Variants in WWOX observed in about 807,000 individuals in gnomAD.
WWOX encodes WW domain-containing oxidoreductase.
Under a neutral mutation model 46.2 loss-of-function variants are expected in WWOX, and 69 were observed. The ratio of observed to expected loss-of-function variants is 1.49; its 90% CI spans 1.23 to 1.82. The LOEUF (loss-of-function observed/expected upper bound fraction) is 1.82. WWOX is among the 40% of genes most tolerant of loss of function. WWOX has a pLI of 0.00. For synonymous variants in WWOX, 359 were observed against 202.6 expected (o/e 1.77, Z -6.56); for missense variants, 919 against 542.6 (o/e 1.69, Z -6.89).
At chr16:78,210,346 CCTGCATCATGAGA>C (rs1482737374) in intron 5 of WWOX, among the ~76,000 whole-genome samples, 1 of 152,118 alleles carries the variant, frequency 6.6e-6, no homozygotes, top group East Asian at 1.9e-4. Flanking sequence ...TTTTTAATGC[CCTGCATCATGAGA>C]CTGTCAGTTT....
chr16:78,234,603 A>C lies in WWOX; in HGVS notation c.516+70314A>C, dbSNP rs116783926. On this transcript the variant is annotated intron_variant, in intron 5 of 8. Transcript: ENST00000566780. ...GAAAACTCCTAGACTTGAATAAGGT[A>C]TTTTTGAATTTGAAGAGCTAAGAAC... Among the ~76,000 whole-genome samples, 533 of 152,332 alleles carry C rather than the reference A, an allele frequency of 3.5e-3. 3 individuals are homozygous for C. The highest frequency in any genetic ancestry group is 0.012 in the African/African-American group (501 of 41,574).
At chr16:79,131,051 C>T (rs759762726) in intron 8 of WWOX, among the ~76,000 whole-genome samples, 2 of 152,194 alleles carry the variant, frequency 1.3e-5, no homozygotes, top group South Asian at 2.1e-4. Context: ...CAATGACCAG[C>T]AGGCTTCTCT....
intron 8 of WWOX, among the ~76,000 whole-genome samples, chr16:78,656,132 A>G (rs1355182910): frequency 2.0e-5 from 3 of 152,150 alleles, no homozygotes; most frequent in Admixed American, 6.5e-5. Flanking sequence ...TGTCAACATG[A>G]GGATGAAAGT....
intron 5 of WWOX, among the ~76,000 whole-genome samples, chr16:78,201,899 CTA>C (rs1298898927): frequency 2.0e-5 from 3 of 151,952 alleles, no homozygotes; most frequent in African/African-American, 7.3e-5. Context: ...CGGGATTTTG[CTA>C]TGTTGCCCAG....
intron 8 of WWOX, among the ~76,000 whole-genome samples, chr16:79,003,808 A>G (rs1028192106): frequency 1.3e-5 from 2 of 152,120 alleles, no homozygotes; most frequent in African/African-American, 4.8e-5. Context: ...TGTCACTTCC[A>G]CTGCATCTTT....
chr16:78,970,673 CATTT>C (rs1272296157), intron 8 of WWOX, among the ~76,000 whole-genome samples: 1 of 152,084 alleles, frequency 6.6e-6, no homozygotes, highest in African/African-American at 2.4e-5. Flanking sequence ...GCTGAGAATT[CATTT>C]GAGGCCATAA....
intron 8 of WWOX, among the ~76,000 whole-genome samples, chr16:78,834,328 G>C (rs1247124912): frequency 6.6e-6 from 1 of 152,140 alleles, no homozygotes; most frequent in African/African-American, 2.4e-5. Flanking sequence ...TAAATAAGGG[G>C]TTAATTTATA....
At chr16:78,731,279 T>C (rs1436165058) in intron 8 of WWOX, among the ~76,000 whole-genome samples, 1 of 152,140 alleles carries the variant, frequency 6.6e-6, no homozygotes, top group African/African-American at 2.4e-5. Context: ...GGTAAGAATT[T>C]AGAGCACAGA....
intron 5 of WWOX, among the ~76,000 whole-genome samples, chr16:78,309,242 T>C (rs2080189552): frequency 6.6e-6 from 1 of 152,214 alleles, no homozygotes; most frequent in African/African-American, 2.4e-5. Flanking sequence ...CGTGATCCGA[T>C]GGTTATAAAT....
At chr16:78,383,202 C>G (rs1420398675) in intron 5 of WWOX, among the ~76,000 whole-genome samples, 1 of 151,906 alleles carries the variant, frequency 6.6e-6, no homozygotes, top group Non-Finnish European at 1.5e-5. Flanking sequence ...GACACAGAGC[C>G]AAACCACATC....
chr16:79,124,508 C>T (rs973390347), intron 8 of WWOX, among the ~76,000 whole-genome samples: 3 of 152,132 alleles, frequency 2.0e-5, no homozygotes, highest in Non-Finnish European at 4.4e-5. Context: ...TGACCTGTCA[C>T]GTTAGGACTG....
intron 8 of WWOX, among the ~76,000 whole-genome samples, chr16:78,870,710 T>C (rs907375703): frequency 3.9e-5 from 6 of 152,184 alleles, no homozygotes; most frequent in Non-Finnish European, 5.9e-5. Flanking sequence ...CAAGCAATTC[T>C]CCTGCCTCAG....
intron 8 of WWOX, among the ~76,000 whole-genome samples, chr16:79,024,505 C>T (rs1029100018): frequency 6.6e-6 from 1 of 152,076 alleles, no homozygotes; most frequent in Admixed American, 6.6e-5. Context: ...GCTATCTCAG[C>T]TCACTGCAAG....
At chr16:78,688,370 A>T (rs956169224) in intron 8 of WWOX, among the ~76,000 whole-genome samples, 4 of 65,132 alleles carry the variant, frequency 6.1e-5, no homozygotes, top group Admixed American at 2.3e-4. Flanking sequence ...CAGTTACTTT[A>T]AAAAAAAAAA....
intron 8 of WWOX, among the ~76,000 whole-genome samples, chr16:79,024,672 T>C (rs2550708): frequency 0.68 from 102,571 of 151,790 alleles, 35,193 homozygotes; most frequent in East Asian, 0.9. Context: ...CCTGACCTCG[T>C]GATCTGCCCA....
chr16:78,720,767 C>G (rs897154524), intron 8 of WWOX, among the ~76,000 whole-genome samples: 1 of 152,088 alleles, frequency 6.6e-6, no homozygotes. Context: ...TAGGGTTATT[C>G]TCAAACTCTA....
chr16:78,576,280 T>C (rs1276921135), intron 8 of WWOX, among the ~76,000 whole-genome samples: 3 of 152,252 alleles, frequency 2.0e-5, no homozygotes, highest in Non-Finnish European at 2.9e-5. Context: ...ATAATGCATC[T>C]GTGATTTTTC....
chr16:78,167,390 A>G (rs1024782427), intron 5 of WWOX: 2 of 152,122 alleles, frequency 1.3e-5, no homozygotes, highest in East Asian at 1.9e-4. Flanking sequence ...CTGTGAGTCA[A>G]TTTCCGATGA....
At chr16:78,570,723 G>C (rs1254681118) in intron 8 of WWOX, among the ~76,000 whole-genome samples, 2 of 152,166 alleles carry the variant, frequency 1.3e-5, no homozygotes. Flanking sequence ...GCATTTCAGT[G>C]GGGGAGCCAG....
Sources: allele counts gnomAD v4.1 joint callset (sites outside exome capture counted in the v4.1 genomes callset), GRCh38; gene constraint gnomAD v4.1.1; transcripts MANE v1.5; gene names NCBI Gene and HGNC (gene_info 2026-07-23, HGNC 2026-07-21).